The following DTNA variants were observed in gnomAD, a reference collection of about 807,000 sequenced individuals.
The protein encoded by DTNA is dystrobrevin alpha.
DTNA carries 43 observed loss-of-function variants against 100.7 expected under a neutral mutation model. The ratio of observed to expected loss-of-function variants is 0.43; its 90% CI spans 0.33 to 0.55. The LOEUF (loss-of-function observed/expected upper bound fraction) is 0.55, where lower values mean the gene tolerates loss of function less well. Among genes scored for constraint, DTNA ranks in the 20% least tolerant of loss-of-function variants. The pLI is 0.04. For missense variants in DTNA, 798 were observed against 953.9 expected, an observed-to-expected ratio of 0.84 and a Z score of 2.15; for synonymous variants, 349 against 347.9, an observed-to-expected ratio of 1.00 and a Z score of -0.04.
chr18:34,846,986 ATATAAG>A (rs2096390975), intron 13 of DTNA, among the ~76,000 whole-genome samples: 1 of 152,198 alleles, frequency 6.6e-6, no homozygotes, highest in Non-Finnish European at 1.5e-5. Flanking sequence ...ATGCAGAAGA[ATATAAG>A]TATGTTTATG....
chr18:34,681,893 T>A (rs781427735), intron 1 of DTNA, among the ~76,000 whole-genome samples: 5 of 152,158 alleles, frequency 3.3e-5, no homozygotes, highest in Non-Finnish European at 7.4e-5. Context: ...ATAAATGACA[T>A]GTATCCACCA....
intron 1 of DTNA, among the ~76,000 whole-genome samples, chr18:34,678,454 C>T (rs1053969619): frequency 2.6e-5 from 4 of 152,104 alleles, no homozygotes; most frequent in Admixed American, 1.3e-4. Flanking sequence ...CCTTCCATCC[C>T]TTCCCTTTCC....
intron 5 of DTNA, among the ~76,000 whole-genome samples, chr18:34,811,090 G>T (rs1468957784): frequency 6.6e-6 from 1 of 152,162 alleles, no homozygotes; most frequent in Non-Finnish European, 1.5e-5. Flanking sequence ...CAGCTGTGCT[G>T]GCCTGGTGAC....
At chr18:34,522,225 C>A (rs1248173439) in intron 1 of DTNA, among the ~76,000 whole-genome samples, 1 of 152,126 alleles carries the variant, frequency 6.6e-6, no homozygotes, top group East Asian at 1.9e-4. Context: ...AAATATTTCA[C>A]TGTTATCCCT....
intron 14 of DTNA, among the ~76,000 whole-genome samples, chr18:34,851,128 GA>G (rs2096470243): frequency 6.6e-6 from 1 of 152,096 alleles, no homozygotes; most frequent in Non-Finnish European, 1.5e-5. Flanking sequence ...TTGTGAGATG[GA>G]ATCTCGCTCT....
rs372126412 is a variant in DTNA at position 34,765,954 on chromosome 18, G to A, written c.68-7G>A. The A allele has an allele frequency of 2.4e-5, 38 of 1,613,164 alleles. No homozygotes were observed. The highest frequency in any genetic ancestry group is 1.0e-4 in the Admixed American group (6 of 59,926). ...CATACCTTATGTGTCCTTTTTCCCC[G>A]CACTAGGGGCTCAAGATCTGGATCG... On this transcript the variant is annotated splice_polypyrimidine_tract_variant and splice_region_variant and intron_variant, in intron 2 of 22. Transcript: ENST00000444659.
intron 1 of DTNA, among the ~76,000 whole-genome samples, chr18:34,556,547 C>T (rs535848709): frequency 6.6e-6 from 1 of 151,888 alleles, no homozygotes. Flanking sequence ...CCTTCAGGAG[C>T]GCTTTTAGGG....
At chr18:34,694,398 G>T (rs2080221864) in intron 1 of DTNA, among the ~76,000 whole-genome samples, 1 of 152,140 alleles carries the variant, frequency 6.6e-6, no homozygotes, top group Non-Finnish European at 1.5e-5. Context: ...TACTGTTTGA[G>T]CTTGTATTTT....
chr18:34,784,896 A>G (rs549207503), intron 3 of DTNA, among the ~76,000 whole-genome samples: 9 of 151,520 alleles, frequency 5.9e-5, no homozygotes, highest in African/African-American at 2.2e-4. Flanking sequence ...GCCTGCATGT[A>G]TGATTGATGC....
At chr18:34,615,682 TAGTACTCAAGTAATAAGCAG>T (rs2055128539) in intron 1 of DTNA, among the ~76,000 whole-genome samples, 1 of 152,216 alleles carries the variant, frequency 6.6e-6, no homozygotes, top group Non-Finnish European at 1.5e-5. Context: ...GTAATAAGCA[TAGTACTCAAGTAATAAGCAG>T]AGTACTCAGT....
intron 1 of DTNA, among the ~76,000 whole-genome samples, chr18:34,518,534 T>C (rs894501027): frequency 6.6e-6 from 1 of 152,094 alleles, no homozygotes; most frequent in Admixed American, 6.6e-5. Context: ...TCTTTTTTTT[T>C]CCTAAAAGTT....
chr18:34,598,631 A>G (rs2147121248), intron 1 of DTNA, among the ~76,000 whole-genome samples: 1 of 152,296 alleles, frequency 6.6e-6, no homozygotes, highest in South Asian at 2.1e-4. Context: ...TGGGAGGCCG[A>G]GACGGGTGGA....
intron 1 of DTNA, among the ~76,000 whole-genome samples, chr18:34,575,471 T>A (rs2048025217): frequency 1.3e-5 from 2 of 152,198 alleles, no homozygotes; most frequent in African/African-American, 4.8e-5. Flanking sequence ...TCAACAAACA[T>A]TCAGTCAAAT....
chr18:34,581,736 G>C (rs1598732791), intron 1 of DTNA, among the ~76,000 whole-genome samples: 1 of 149,462 alleles, frequency 6.7e-6, no homozygotes. Flanking sequence ...TGATTCTCCT[G>C]CCTCAGCCAC....
intron 8 of DTNA, chr18:34,818,562 T>TA: frequency 7.2e-7 from 1 of 1,396,860 alleles, no homozygotes; most frequent in Non-Finnish European, 9.3e-7. Flanking sequence ...AAAACTATGT[T>TA]ACTTCTTGGA....
chr18:34,581,548 G>A (rs2048634910), intron 1 of DTNA, among the ~76,000 whole-genome samples: 1 of 151,856 alleles, frequency 6.6e-6, no homozygotes, highest in Non-Finnish European at 1.5e-5. Flanking sequence ...AGTGTGGAAA[G>A]GCACACAGTT....
At chr18:34,773,078 C>G (rs867354595) in intron 3 of DTNA, among the ~76,000 whole-genome samples, 1 of 152,306 alleles carries the variant, frequency 6.6e-6, no homozygotes, top group South Asian at 2.1e-4. Context: ...AGAGTGTCCT[C>G]TCTGACTTCC....
intron 3 of DTNA, among the ~76,000 whole-genome samples, chr18:34,792,504 G>C (rs181913628): frequency 6.6e-6 from 1 of 152,312 alleles, no homozygotes; most frequent in East Asian, 1.9e-4. Flanking sequence ...ATATAGCCAG[G>C]AGAGAGCAAT....
chr18:34,663,138 A>G (rs1212767994), intron 1 of DTNA, among the ~76,000 whole-genome samples: 1 of 151,956 alleles, frequency 6.6e-6, no homozygotes, highest in Non-Finnish European at 1.5e-5. Flanking sequence ...AAATGACGTT[A>G]TTTTATTTAT....
Sources: gnomAD v4.1 joint callset for allele counts (sites outside exome capture counted in the v4.1 genomes callset) on GRCh38, gnomAD v4.1.1 for gene constraint, MANE v1.5 for transcripts, NCBI Gene and HGNC (gene_info 2026-07-23, HGNC 2026-07-21) for gene names.